PRKAG2: variants seen among roughly 807,000 people sequenced by gnomAD.
PRKAG2 encodes 5'-AMP-activated protein kinase subunit gamma-2.
In PRKAG2, 26 loss-of-function variants were observed where a neutral mutation model predicts 69.6. The observed-to-expected ratio is 0.37, with a 90% confidence interval of 0.27 to 0.52. The LOEUF is 0.52. PRKAG2 is among the 20% of genes least tolerant of loss of function. The pLI is 0.90. For missense variants in PRKAG2, 557 were observed against 740.0 expected (o/e 0.75, Z 2.87); for synonymous variants, 293 against 285.0 (o/e 1.03, Z -0.28).
intron 2 of PRKAG2, among the ~76,000 whole-genome samples, 197 bp downstream of exon 2, chr7:151,786,273 G>A (rs565663383): frequency 6.6e-6 from 1 of 152,372 alleles, no homozygotes; most frequent in South Asian, 2.1e-4. Context: ...GCTCTCTAGT[G>A]GGATAGCCCG....
chr7:151,625,625 G>A (rs1048787786), intron 5 of PRKAG2, among the ~76,000 whole-genome samples: 6 of 152,214 alleles, frequency 3.9e-5, no homozygotes, highest in African/African-American at 1.4e-4. Context: ...CACTGGCCGG[G>A]AGTGAGGGAG....
At chr7:151,794,986 C>T (rs920805088) in intron 1 of PRKAG2, among the ~76,000 whole-genome samples, 2 of 152,164 alleles carry the variant, frequency 1.3e-5, no homozygotes, top group African/African-American at 4.8e-5. Flanking sequence ...CTGGGGGTGG[C>T]CATCCTGACC....
At chr7:151,782,293 AAAGAAAGGAAGG>A (rs1213495054) in intron 2 of PRKAG2, among the ~76,000 whole-genome samples, 2,345 of 94,612 alleles carry the variant, frequency 0.025, 93 homozygotes, top group South Asian at 0.036. Flanking sequence ...AAGAGAAAGG[AAAGAAAGGAAGG>A]AAGGAAGGAA....
chr7:151,822,130 A>G (rs972864392), intron 1 of PRKAG2, among the ~76,000 whole-genome samples: 3 of 152,212 alleles, frequency 2.0e-5, no homozygotes, highest in Admixed American at 1.3e-4. Context: ...AAGGCAAGGT[A>G]GGAAATGGCA....
intron 3 of PRKAG2, among the ~76,000 whole-genome samples, chr7:151,762,098 G>T (rs548255112): frequency 6.6e-6 from 1 of 152,210 alleles, no homozygotes; most frequent in African/African-American, 2.4e-5. Context: ...GCCACTGTCC[G>T]ATGGGTTAGC....
chr7:151,746,774 G>C (rs7800351), intron 3 of PRKAG2, among the ~76,000 whole-genome samples: 3,920 of 152,298 alleles, frequency 0.026, 160 homozygotes, highest in African/African-American at 0.081. Flanking sequence ...GGGAGAGAGC[G>C]CTGGGCTCCA....
intron 3 of PRKAG2, among the ~76,000 whole-genome samples, chr7:151,705,518 ACTGT>A (rs1563480650): frequency 6.6e-6 from 1 of 152,134 alleles, no homozygotes; most frequent in Non-Finnish European, 1.5e-5. Context: ...GGGACAGCCG[ACTGT>A]CTGTGACAGA....
At chr7:151,564,969 G>C (rs1453441302) in intron 13 of PRKAG2, among the ~76,000 whole-genome samples, 1 of 152,114 alleles carries the variant, frequency 6.6e-6, no homozygotes, top group African/African-American at 2.4e-5. Context: ...CAATCACTAA[G>C]CAATGGGATG....
chr7:151,798,587 T>C (rs1174948443), intron 1 of PRKAG2, among the ~76,000 whole-genome samples: 7 of 152,240 alleles, frequency 4.6e-5, no homozygotes. Context: ...AGTGTTGAGA[T>C]TACAGGCATG....
intron 3 of PRKAG2, among the ~76,000 whole-genome samples, chr7:151,683,910 T>C (rs1299601575): frequency 2.6e-5 from 4 of 152,152 alleles, no homozygotes; most frequent in African/African-American, 4.8e-5. Flanking sequence ...AGGACTCTGT[T>C]TTCTCAAGGA....
intron 5 of PRKAG2, among the ~76,000 whole-genome samples, chr7:151,611,770 C>T (rs1558538): frequency 0.25 from 37,637 of 152,010 alleles, 4,768 homozygotes; most frequent in South Asian, 0.3. Flanking sequence ...AAAGCAGTCT[C>T]GGGCCGGGCA....
chr7:151,742,435 C>A (rs1465174903), intron 3 of PRKAG2, among the ~76,000 whole-genome samples: 1 of 152,052 alleles, frequency 6.6e-6, no homozygotes, highest in Non-Finnish European at 1.5e-5. Context: ...ACCATCCTGG[C>A]CAACATGGTG....
At chr7:151,787,254 G>T (rs577744775) in intron 1 of PRKAG2, among the ~76,000 whole-genome samples, 7 of 152,106 alleles carry the variant, frequency 4.6e-5, no homozygotes, top group Admixed American at 6.5e-5. Flanking sequence ...CATTTTAAGT[G>T]TGCGGTTTGG....
intron 1 of PRKAG2, among the ~76,000 whole-genome samples, chr7:151,808,591 TTGG>T (rs2078243081): frequency 1.2e-5 from 1 of 86,152 alleles, no homozygotes; most frequent in South Asian, 2.8e-4. Context: ...GTGCAGGTTG[TTGG>T]GGGGGCTTGA....
chr7:151,625,538 A>G (rs2151294528), intron 5 of PRKAG2, among the ~76,000 whole-genome samples: 1 of 152,330 alleles, frequency 6.6e-6, no homozygotes, highest in East Asian at 1.9e-4. Context: ...CTCCAACAGC[A>G]GCATGGCAAA....
intron 3 of PRKAG2, among the ~76,000 whole-genome samples, chr7:151,711,464 A>G (rs1433825585): frequency 6.6e-6 from 1 of 152,218 alleles, no homozygotes; most frequent in Non-Finnish European, 1.5e-5. Flanking sequence ...GAGCACTAAC[A>G]GTGCTAGGCT....
chr7:151,675,692 G>C, intron 3 of PRKAG2, 55 bp from the exon 4 acceptor site: 1 of 1,523,854 alleles, frequency 6.6e-7, no homozygotes, highest in South Asian at 1.1e-5. Context: ...AAGGGACGTC[G>C]GGGGTGGTCA....
chr7:151,766,929 TG>T (rs1482334694), intron 3 of PRKAG2, among the ~76,000 whole-genome samples: 2 of 152,170 alleles, frequency 1.3e-5, no homozygotes, highest in African/African-American at 4.8e-5. Flanking sequence ...AAAAGTCACA[TG>T]TTGAAATCCT....
chr7:151,594,551 G>A (rs1055783486), intron 6 of PRKAG2, among the ~76,000 whole-genome samples: 7 of 152,074 alleles, frequency 4.6e-5, no homozygotes, highest in African/African-American at 1.7e-4. Context: ...GATCGGTAAG[G>A]TTCTTCTTTC....
Sources: allele counts gnomAD v4.1 joint callset (sites outside exome capture counted in the v4.1 genomes callset), GRCh38; gene constraint gnomAD v4.1.1; transcripts MANE v1.5; gene names NCBI Gene and HGNC (gene_info 2026-07-23, HGNC 2026-07-21).